DZIP3: variants seen among roughly 807,000 people sequenced by gnomAD.
DZIP3 encodes DAZ interacting zinc finger protein 3, also known as E3 ubiquitin-protein ligase DZIP3.
In DZIP3, 118 loss-of-function variants were observed where a neutral mutation model predicts 162.0. The observed-to-expected ratio is 0.73, with a 90% CI of 0.63 to 0.85. The LOEUF is 0.85. Among genes scored for constraint, DZIP3 ranks in the 40% least tolerant of loss-of-function variants. The pLI is 0.00. For synonymous variants in DZIP3, 438 were observed against 458.6 expected (o/e 0.96, Z 0.57); for missense variants, 1,331 against 1,407.0 (o/e 0.95, Z 0.86).
intron 1 of DZIP3, chr3:108,602,716 G>T (rs909162043): frequency 1.3e-5 from 2 of 152,144 alleles, no homozygotes; most frequent in Admixed American, 6.5e-5. Flanking sequence ...CAGCTCAGTG[G>T]TGACATTTCA....
chr3:108,639,348 C>T (rs1297794065), intron 12 of DZIP3, among the ~76,000 whole-genome samples: 1 of 152,130 alleles, frequency 6.6e-6, no homozygotes, highest in East Asian at 1.9e-4. Flanking sequence ...CCCCAATGGG[C>T]AATGTTACTT....
At chr3:108,659,928 C>T (rs1347432016) in intron 19 of DZIP3, among the ~76,000 whole-genome samples, 3 of 152,066 alleles carry the variant, frequency 2.0e-5, no homozygotes, top group African/African-American at 7.2e-5. Flanking sequence ...ATCCAACTTA[C>T]AAGGGATGTG....
Position 108,661,877 on chromosome 3 carries a change from G to A in DZIP3, c.2200G>A (p.Gly734Ser), listed in dbSNP as rs749686850. ...ELHILDMIEQ[G>S]SAGKVTTDYG... ...CATGCATATTTCCTGTGCTCAATAGGGCTCAGCTGGCAAAGTAACTACAGA... is the reference window on the plus strand; with the variant it reads ...CATGCATATTTCCTGTGCTCAATAGAGCTCAGCTGGCAAAGTAACTACAGA... Residue 734 changes from glycine (G) to serine (S), a missense_variant and splice_region_variant, in exon 20 of 33, where the codon GGC (glycine) becomes AGC (serine). By Grantham distance (56) the Gly-to-Ser change is moderately conservative (BLOSUM62 0). Coordinates refer to ENST00000361582, the MANE Select transcript of DZIP3 (RefSeq NM_014648.4). 2 of 1,612,640 alleles carry A rather than the reference G, an allele frequency of 1.2e-6. No homozygotes were observed. The highest frequency in any genetic ancestry group is 3.4e-5 in the Admixed American group (2 of 59,686).
chr3:108,677,650 T>A, intron 26 of DZIP3, 52 bp downstream of exon 26: 4 of 1,486,124 alleles, frequency 2.7e-6, no homozygotes, highest in Non-Finnish European at 3.8e-6. Flanking sequence ...GACAAAATGG[T>A]AAGGGCTGTG....
At chr3:108,672,078 A>G (rs1943945743) in intron 22 of DZIP3, among the ~76,000 whole-genome samples, 1 of 152,086 alleles carries the variant, frequency 6.6e-6, no homozygotes, top group East Asian at 1.9e-4. Context: ...ATAACTTCAC[A>G]TAGCAGAAGG....
At chr3:108,669,403 C>G (rs775058743) in intron 21 of DZIP3, among the ~76,000 whole-genome samples, 2 of 151,630 alleles carry the variant, frequency 1.3e-5, no homozygotes, top group Non-Finnish European at 2.9e-5. Context: ...TTTTCCAAGT[C>G]ATTGCACTGA....
intron 26 of DZIP3, among the ~76,000 whole-genome samples, chr3:108,679,196 G>C (rs1279434285): frequency 6.6e-6 from 1 of 151,986 alleles, no homozygotes; most frequent in African/African-American, 2.4e-5. Flanking sequence ...TTCTTCAATG[G>C]CTCTTAACTA....
intron 1 of DZIP3, among the ~76,000 whole-genome samples, chr3:108,591,372 A>G (rs987894989): frequency 6.6e-6 from 1 of 152,234 alleles, no homozygotes; most frequent in African/African-American, 2.4e-5. Flanking sequence ...TGGCAAATGA[A>G]GTGATCAGAG....
At chr3:108,620,725 T>C (rs928247959) in intron 5 of DZIP3, among the ~76,000 whole-genome samples, 1 of 152,232 alleles carries the variant, frequency 6.6e-6, no homozygotes, top group Non-Finnish European at 1.5e-5. Context: ...TAATTTTTCA[T>C]TGAAGAAGTG....
At chr3:108,653,511 A>G (rs58745177) in intron 18 of DZIP3, among the ~76,000 whole-genome samples, 5,405 of 31,406 alleles carry the variant, frequency 0.17, 281 homozygotes, top group African/African-American at 0.28. Context: ...GTGTGTGTAT[A>G]TATATATATA....
intron 1 of DZIP3, among the ~76,000 whole-genome samples, chr3:108,603,993 G>A (rs1940181214): frequency 2.0e-5 from 3 of 152,040 alleles, no homozygotes; most frequent in Admixed American, 2.0e-4. Flanking sequence ...TTTTGGTGGG[G>A]GAGGGGCAGG....
At chr3:108,686,677 A>G in intron 28 of DZIP3, 93 bp downstream of exon 28, 7 of 1,337,970 alleles carry the variant, frequency 5.2e-6, no homozygotes, top group Non-Finnish European at 5.8e-6. Flanking sequence ...GAGAAACATA[A>G]CAAACACAAA....
intron 1 of DZIP3, among the ~76,000 whole-genome samples, chr3:108,595,180 T>G (rs1939643859): frequency 6.6e-6 from 1 of 152,208 alleles, no homozygotes; most frequent in Non-Finnish European, 1.5e-5. Flanking sequence ...CTTCAAAGAT[T>G]AGCATAAAAT....
intron 27 of DZIP3, among the ~76,000 whole-genome samples, chr3:108,685,679 A>G (rs1023125352): frequency 7.2e-5 from 11 of 152,196 alleles, no homozygotes; most frequent in Admixed American, 2.0e-4. Flanking sequence ...TGGGCAGAGC[A>G]GTTCTAGTAG....
chr3:108,652,394 T>C (rs534631288), intron 18 of DZIP3, among the ~76,000 whole-genome samples: 21 of 151,990 alleles, frequency 1.4e-4, no homozygotes, highest in African/African-American at 5.1e-4. Context: ...GTTTACATCT[T>C]AGAAATATGA....
At chr3:108,671,870 G>A (rs1943938379) in intron 22 of DZIP3, among the ~76,000 whole-genome samples, 1 of 152,008 alleles carries the variant, frequency 6.6e-6, no homozygotes, top group Admixed American at 6.6e-5. Context: ...TACATGTGAG[G>A]AAACTGAGGT....
At chr3:108,589,944 T>C (rs1939286996) in intron 1 of DZIP3, 105 bp downstream of exon 1, 1 of 152,326 alleles carries the variant, frequency 6.6e-6, no homozygotes. Flanking sequence ...TGCCCGGGGA[T>C]GGTAGTTTCT....
At chr3:108,599,830 C>A (rs1003648501) in intron 1 of DZIP3, among the ~76,000 whole-genome samples, 1 of 152,100 alleles carries the variant, frequency 6.6e-6, no homozygotes, top group East Asian at 1.9e-4. Flanking sequence ...AGAAGAGCAC[C>A]CTTATCAGAA....
At chr3:108,615,336 G>A (rs924686071) in intron 4 of DZIP3, among the ~76,000 whole-genome samples, 1 of 152,154 alleles carries the variant, frequency 6.6e-6, no homozygotes, top group African/African-American at 2.4e-5. Flanking sequence ...TCAGTATTAT[G>A]TTTTGTATTT....
Sources: gnomAD v4.1 joint callset for allele counts (sites outside exome capture counted in the v4.1 genomes callset) on GRCh38, gnomAD v4.1.1 for gene constraint, MANE v1.5 for transcripts, NCBI Gene and HGNC (gene_info 2026-07-23, HGNC 2026-07-21) for gene names.